The following HNRNPD variants were observed in gnomAD, a reference collection of about 807,000 sequenced individuals.
HNRNPD encodes the protein heterogeneous nuclear ribonucleoprotein D.
In HNRNPD, 3 loss-of-function variants were observed where a neutral mutation model predicts 47.9. The observed-to-expected ratio is 0.06, with a 90% CI of 0.03 to 0.16. The LOEUF is 0.16. Among genes scored for constraint, HNRNPD ranks in the 10% least tolerant of loss-of-function variants. The probability of loss-of-function intolerance (pLI) is 1.00; values close to 1 mark genes in which losing one functional copy is unlikely to be tolerated. For synonymous variants in HNRNPD, 171 were observed against 165.1 expected (o/e 1.04, Z -0.28); for missense variants, 287 against 454.2 (o/e 0.63, Z 3.35).
intron 7 of HNRNPD, chr4:82,355,663 T>C: frequency 2.2e-6 from 1 of 459,604 alleles, no homozygotes. Context: ...TTTAAAAGTT[T>C]TAAGTTTCAA....
intron 2 of HNRNPD, among the ~76,000 whole-genome samples, chr4:82,368,640 C>T (rs2110001300): frequency 6.6e-6 from 1 of 152,230 alleles, no homozygotes; most frequent in East Asian, 1.9e-4. Context: ...TCAAAGGCTC[C>T]CAAGAATGCT....
At chr4:82,365,900 G>A (rs561246517) in intron 2 of HNRNPD, among the ~76,000 whole-genome samples, 15 of 145,790 alleles carry the variant, frequency 1.0e-4, no homozygotes, top group Non-Finnish European at 1.5e-4. Flanking sequence ...GTGAGCCACC[G>A]CACCCAGCCC....
chr4:82,369,666 T>G (rs1438840513), intron 2 of HNRNPD, among the ~76,000 whole-genome samples: 1 of 146,624 alleles, frequency 6.8e-6, no homozygotes, highest in Non-Finnish European at 1.5e-5. Context: ...AAGGGACAGA[T>G]ACGGTGGGGA....
At chr4:82,355,160 A>C (rs570207467) in intron 8 of HNRNPD, 144 bp downstream of exon 8, 3 of 627,458 alleles carry the variant, frequency 4.8e-6, no homozygotes, top group African/African-American at 1.9e-5. Flanking sequence ...CCTGTGTTAC[A>C]TATCTTTGAA....
intron 1 of HNRNPD, among the ~76,000 whole-genome samples, chr4:82,372,515 C>G (rs1441691613): frequency 6.6e-6 from 1 of 151,600 alleles, no homozygotes. Context: ...TCCTGGGCAC[C>G]GGGAAAAAAA....
At chr4:82,371,303 C>A (rs777456757) in intron 2 of HNRNPD, among the ~76,000 whole-genome samples, 3 of 152,112 alleles carry the variant, frequency 2.0e-5, no homozygotes, top group Non-Finnish European at 4.4e-5. Flanking sequence ...TGCCAAACTG[C>A]AACTACATGC....
At chr4:82,361,575 C>A (rs1352169014) in intron 2 of HNRNPD, among the ~76,000 whole-genome samples, 1 of 152,184 alleles carries the variant, frequency 6.6e-6, no homozygotes, top group African/African-American at 2.4e-5. Context: ...AATTCTCTGT[C>A]TGGTCTATTC....
rs1723760575 is a variant in HNRNPD at position 82,357,371 on chromosome 4, T to C, written c.695A>G (p.Glu232Gly). Residue 232 changes from glutamate to glycine, a missense_variant, in exon 5 of 9, where the codon GAA becomes GGA. Glu to Gly is a moderately conservative substitution (Grantham distance 98). This residue lies in a region of HNRNPD where 39 missense variants were observed against 113.1 expected (regional missense o/e 0.34). Transcript: ENST00000313899. ...CATTATCTTCTTCACTGGTTCTTCTTCCTTAAAGGTAATAAAGCAGAACCC... is the reference window on the plus strand; with the variant it reads ...CATTATCTTCTTCACTGGTTCTTCTCCCTTAAAGGTAATAAAGCAGAACCC... ...RRGFCFITFK[E>G]EEPVKKIMEK... The C allele has an allele frequency of 6.2e-7, 1 of 1,613,696 alleles. No individual in the cohort carries two copies. Among genetic ancestry groups the C allele is most frequent in the South Asian group, 1.1e-5 (1 of 91,036 alleles).
chr4:82,373,209 A>C (rs950043912), intron 1 of HNRNPD: 4 of 705,028 alleles, frequency 5.7e-6, no homozygotes, highest in South Asian at 1.5e-5. Flanking sequence ...GAGGAGCAGC[A>C]TGGTGACGGC....
intron 6 of HNRNPD, 54 bp downstream of exon 6, chr4:82,356,742 G>T: frequency 6.2e-7 from 1 of 1,612,868 alleles, no homozygotes; most frequent in Non-Finnish European, 8.5e-7. Context: ...TTTACTTCAG[G>T]ATAATTAAAA....
chr4:82,357,730 G>A, intron 4 of HNRNPD: 1 of 231,554 alleles, frequency 4.3e-6, no homozygotes. Flanking sequence ...CAAAGAACAA[G>A]AAGAAAACAG....
At position 82,371,590 on chromosome 4, in the gene HNRNPD, G is replaced by A; in HGVS notation, c.234-6C>T. ...GTGGGGAGGAGTTTGAATGGCTAGG[G>A]AATTAACAACCGGTACAGCAACCAA... On this transcript the variant is annotated splice_polypyrimidine_tract_variant and splice_region_variant and intron_variant, in intron 1 of 8. Coordinates refer to ENST00000313899, the MANE Select transcript of HNRNPD (RefSeq NM_031370.3). 6.2e-7 allele frequency: 1 copy of A among 1,612,080 alleles called. No individual in the cohort carries two copies. Among genetic ancestry groups the A allele is most frequent in the Non-Finnish European group, 8.5e-7 (1 of 1,178,436 alleles).
In HNRNPD at chr4:82,359,579, A is replaced by G. The variant is rs1723876949; in HGVS notation, c.351T>C (p.Phe117=). The G allele has an allele frequency of 6.2e-7, 1 of 1,603,112 alleles. No individual in the cohort carries two copies. The highest frequency in any genetic ancestry group is 8.5e-7 in the Non-Finnish European group (1 of 1,171,440). ...AGTCTACAACTTCACCAAATTTGGA[A>G]AAGTAGTCCTTCAGATCTTTCTTTG... ...DTTKKDLKDY[F]SKFGEVVDCT... Residue 117 remains phenylalanine, a synonymous_variant, in exon 3 of 9, where the codon TTT becomes TTC. Coordinates refer to ENST00000313899, the MANE Select transcript of HNRNPD (RefSeq NM_031370.3).
chr4:82,369,686 C>T (rs937546442), intron 2 of HNRNPD, among the ~76,000 whole-genome samples: 1 of 112,208 alleles, frequency 8.9e-6, no homozygotes, highest in Non-Finnish European at 2.0e-5. Flanking sequence ...AGTGCAGACA[C>T]CAAAAAAAAA....
chr4:82,359,324 A>G (rs1723867764), intron 3 of HNRNPD, 147 bp downstream of exon 3: 1 of 454,978 alleles, frequency 2.2e-6, no homozygotes, highest in Non-Finnish European at 3.7e-6. Flanking sequence ...ACCTACCTCT[A>G]TCTTCATAAA....
At chr4:82,360,774 C>T (rs1719367887) in intron 2 of HNRNPD, among the ~76,000 whole-genome samples, 1 of 152,062 alleles carries the variant, frequency 6.6e-6, no homozygotes, top group Admixed American at 6.5e-5. Context: ...CCACTAAGGC[C>T]CATTCTTGGA....
At chr4:82,359,281 TG>T (rs1342493240) in intron 3 of HNRNPD, among the ~76,000 whole-genome samples, 189 bp downstream of exon 3, 1 of 152,184 alleles carries the variant, frequency 6.6e-6, no homozygotes, top group East Asian at 1.9e-4. Context: ...TAGCAGAGCC[TG>T]GAACACAAAT....
rs1159151884 is a variant in HNRNPD at position 82,373,889 on chromosome 4, C to G, written c.-211G>C. On this transcript the variant is annotated 5_prime_UTR_variant, in exon 1 of 9. Transcript: ENST00000313899. ...CCCACTCTCGCGCGGCGCACACTCCCGCTCTCTCCCGCTGCACTAAAAAAG... is the reference window on the plus strand; with the variant it reads ...CCCACTCTCGCGCGGCGCACACTCCGGCTCTCTCCCGCTGCACTAAAAAAG... 4.5e-6 allele frequency: 5 copies of G among 1,121,390 alleles called. No homozygotes were observed. In the East Asian group the frequency reaches 1.5e-4, roughly 34 times the overall value. The allele number at this position is 1,121,390 out of a possible 1,614,324, so 69.5% of individuals were successfully genotyped here.
rs962386572 is a variant in HNRNPD, at chr4:82,353,968, C to G, written c.*217G>C. 2 of 152,568 alleles carry G rather than the reference C, an allele frequency of 1.3e-5. No individual in the cohort carries two copies. The highest frequency in any genetic ancestry group is 4.8e-5 in the African/African-American group (2 of 41,418). The allele number at this position is 152,568 out of a possible 1,614,324, so 9.5% of individuals were successfully genotyped here. On this transcript the variant is annotated 3_prime_UTR_variant, in exon 9 of 9. Coordinates refer to ENST00000313899, the MANE Select transcript of HNRNPD (RefSeq NM_031370.3). Reference sequence around the variant, plus strand: ...AACACAAATTGATTCTGAAGCATAGCAATTAAGAAATAAAACAATGAAAGC... The same window carrying G: ...AACACAAATTGATTCTGAAGCATAGGAATTAAGAAATAAAACAATGAAAGC...
Sources: allele counts gnomAD v4.1 joint callset (sites outside exome capture counted in the v4.1 genomes callset), GRCh38; gene constraint gnomAD v4.1.1; regional missense constraint gnomAD v4.1.1; transcripts MANE v1.5; gene names NCBI Gene and HGNC (gene_info 2026-07-23, HGNC 2026-07-21).